IL1RAPL1: variants seen among roughly 807,000 people sequenced by gnomAD.
IL1RAPL1 encodes interleukin 1 receptor accessory protein like 1.
IL1RAPL1 carries 3 observed loss-of-function variants against 48.4 expected under a neutral mutation model. The ratio of observed to expected loss-of-function variants is 0.06; its 90% CI spans 0.03 to 0.16. The LOEUF (loss-of-function observed/expected upper bound fraction) is 0.16, where lower values mean the gene tolerates loss of function less well. Ranked by LOEUF, IL1RAPL1 falls within the 10% of genes least tolerant of loss-of-function variation. The probability of loss-of-function intolerance (pLI) is 1.00; values close to 1 mark genes in which losing one functional copy is unlikely to be tolerated. For missense variants in IL1RAPL1, 349 were observed against 530.6 expected (o/e 0.66, Z 3.36); for synonymous variants, 185 against 187.7 (o/e 0.99, Z 0.12).
chrX:28,815,835 TTATGTA>T (rs1936857695), intron 2 of IL1RAPL1, among the ~76,000 whole-genome samples: 2 of 27,690 alleles, frequency 7.2e-5, no homozygotes, highest in Non-Finnish European at 1.3e-4. Flanking sequence ...GTATGTGTGT[TTATGTA>T]TATATATATA....
At chrX:29,533,880 G>C (rs1356230791) in intron 5 of IL1RAPL1, among the ~76,000 whole-genome samples, 1 of 112,069 alleles carries the variant, frequency 8.9e-6, no homozygotes, top group Non-Finnish European at 1.9e-5. Context: ...CAAAGTTCAT[G>C]TTTTGGAAAC....
At chrX:29,600,861 C>G (rs1001779987) in intron 5 of IL1RAPL1, among the ~76,000 whole-genome samples, 1 of 111,090 alleles carries the variant, frequency 9.0e-6, no homozygotes, top group African/African-American at 3.3e-5. Flanking sequence ...AGCAGACAGT[C>G]ACAGATCTCA....
chrX:29,893,127 T>C (rs767718667), intron 6 of IL1RAPL1, among the ~76,000 whole-genome samples: 44 of 111,897 alleles, frequency 3.9e-4, no homozygotes, highest in African/African-American at 1.3e-3. Flanking sequence ...GAGCTGTTGC[T>C]CTGTGCTAAC....
chrX:29,827,090 G>A (rs751624642), intron 6 of IL1RAPL1, among the ~76,000 whole-genome samples: 5 of 111,913 alleles, frequency 4.5e-5, no homozygotes, highest in African/African-American at 9.7e-5. Flanking sequence ...GTTTTGATTC[G>A]CATGTCCTTA....
chrX:29,549,365 A>G (rs1921728744), intron 5 of IL1RAPL1, among the ~76,000 whole-genome samples: 1 of 111,437 alleles, frequency 9.0e-6, no homozygotes. Context: ...TTTTGTTCAA[A>G]TGACCCTTTT....
intron 6 of IL1RAPL1, among the ~76,000 whole-genome samples, chrX:29,887,198 A>ATATT (rs1397222924): frequency 8.9e-6 from 1 of 112,572 alleles, no homozygotes; most frequent in African/African-American, 3.2e-5. Context: ...AGCAGAAAAA[A>ATATT]TATTAGAGTA....
intron 5 of IL1RAPL1, among the ~76,000 whole-genome samples, chrX:29,500,166 A>T (rs1483428249): frequency 1.8e-5 from 2 of 110,613 alleles, no homozygotes; most frequent in Admixed American, 9.6e-5. Context: ...TTTTTAGTAG[A>T]GACAGGGTTT....
intron 6 of IL1RAPL1, among the ~76,000 whole-genome samples, chrX:29,912,481 C>G (rs189101674): frequency 9.0e-6 from 1 of 111,498 alleles, no homozygotes; most frequent in Admixed American, 9.6e-5. Context: ...AGTTGCTGGG[C>G]TAGATATGTG....
At chrX:28,852,404 A>G (rs999884600) in intron 2 of IL1RAPL1, among the ~76,000 whole-genome samples, 1 of 109,682 alleles carries the variant, frequency 9.1e-6, no homozygotes, top group African/African-American at 3.3e-5. Flanking sequence ...TTGGAAGATT[A>G]TAACAAATTT....
intron 3 of IL1RAPL1, among the ~76,000 whole-genome samples, chrX:29,319,156 GTCTGTCTATCTA>G (rs1932782766): frequency 1.9e-5 from 1 of 53,345 alleles, no homozygotes; most frequent in Non-Finnish European, 3.1e-5. Context: ...CTGTCTATCT[GTCTGTCTATCTA>G]TCTATCTATC....
intron 2 of IL1RAPL1, among the ~76,000 whole-genome samples, chrX:29,260,576 A>T (rs1161974968): frequency 9.0e-6 from 1 of 111,510 alleles, no homozygotes; most frequent in Non-Finnish European, 1.9e-5. Context: ...CCCTTGACAC[A>T]TGGGGATTAT....
intron 2 of IL1RAPL1, among the ~76,000 whole-genome samples, chrX:28,930,161 T>C (rs751682531): frequency 8.9e-6 from 1 of 112,261 alleles, no homozygotes; most frequent in South Asian, 3.7e-4. Context: ...TCAACAATCC[T>C]TACTCTAATC....
intron 2 of IL1RAPL1, among the ~76,000 whole-genome samples, chrX:29,220,043 T>A (rs1419956999): frequency 4.5e-5 from 5 of 111,263 alleles, no homozygotes; most frequent in African/African-American, 1.6e-4. Flanking sequence ...GAGAGAGGAA[T>A]TCTGGGCCGT....
intron 5 of IL1RAPL1, among the ~76,000 whole-genome samples, chrX:29,512,120 T>C (rs768122813): frequency 2.7e-5 from 3 of 111,029 alleles, no homozygotes; most frequent in Admixed American, 9.6e-5. Flanking sequence ...TCTCTTTCTA[T>C]TTAGCTTCTT....
At chrX:29,803,987 A>C (rs1930191241) in intron 6 of IL1RAPL1, among the ~76,000 whole-genome samples, 1 of 111,386 alleles carries the variant, frequency 9.0e-6, no homozygotes, top group South Asian at 3.8e-4. Context: ...TTTTAAGATG[A>C]ATGCATACCA....
At chrX:28,665,835 A>G (rs1934871078) in intron 1 of IL1RAPL1, among the ~76,000 whole-genome samples, 1 of 112,054 alleles carries the variant, frequency 8.9e-6, no homozygotes, top group South Asian at 3.7e-4. Context: ...GAAACAGTAC[A>G]CTTCCTGAGG....
chrX:28,915,092 A>T (rs1338547494), intron 2 of IL1RAPL1, among the ~76,000 whole-genome samples: 2 of 111,523 alleles, frequency 1.8e-5, no homozygotes, highest in African/African-American at 6.5e-5. Context: ...CATTAGTTAG[A>T]TTCTCATAAG....
intron 2 of IL1RAPL1, among the ~76,000 whole-genome samples, chrX:29,029,342 G>C (rs1926564248): frequency 9.0e-6 from 1 of 111,117 alleles, no homozygotes; most frequent in Non-Finnish European, 1.9e-5. Flanking sequence ...GCAAAATCCA[G>C]TGCTCACTTC....
At chrX:28,592,004 G>T (rs763851917) in intron 1 of IL1RAPL1, among the ~76,000 whole-genome samples, 1 of 111,161 alleles carries the variant, frequency 9.0e-6, no homozygotes, top group South Asian at 3.8e-4. Flanking sequence ...CACCCTTATT[G>T]TAAATCTGAA....
Sources: allele counts gnomAD v4.1 joint callset (sites outside exome capture counted in the v4.1 genomes callset), GRCh38; gene constraint gnomAD v4.1.1; transcripts MANE v1.5; gene names NCBI Gene and HGNC (gene_info 2026-07-23, HGNC 2026-07-21).